Variants in GALNT13 observed in about 807,000 individuals in gnomAD.
The protein encoded by GALNT13 is UDP-GalNAc:polypeptide N-acetylgalactosaminyltransferase 13.
In GALNT13, 28 loss-of-function variants were observed where a neutral mutation model predicts 64.2. The ratio of observed to expected loss-of-function variants is 0.44; its 90% CI spans 0.32 to 0.60. The LOEUF (loss-of-function observed/expected upper bound fraction) is 0.60, where lower values mean the gene tolerates loss of function less well. Among genes scored for constraint, GALNT13 ranks in the 20% least tolerant of loss-of-function variants. GALNT13 has a pLI of 0.05. For synonymous variants in GALNT13, 214 were observed against 224.6 expected (o/e 0.95, Z 0.42); for missense variants, 577 against 669.8 (o/e 0.86, Z 1.53).
At chr2:153,244,384 C>A in the GALNT13 span, among the ~76,000 whole-genome samples, 13 of 152,318 alleles carry the variant, frequency 8.5e-5, no homozygotes, top group African/African-American at 3.1e-4. Flanking sequence ...ATAGAAACAG[C>A]TCTTGTCTGC....
chr2:153,589,187 C>G, the GALNT13 span, among the ~76,000 whole-genome samples: 1 of 152,114 alleles, frequency 6.6e-6, no homozygotes, highest in South Asian at 2.1e-4. Context: ...ACTAAATCAC[C>G]TCTCTCAAGT....
intron 9 of GALNT13, among the ~76,000 whole-genome samples, chr2:154,358,575 A>G (rs1442780429): frequency 3.3e-5 from 5 of 152,102 alleles, no homozygotes; most frequent in Admixed American, 1.3e-4. Flanking sequence ...GGTTTATACA[A>G]TACTACAAAG....
the GALNT13 span, among the ~76,000 whole-genome samples, chr2:153,354,978 T>C: frequency 1.1e-4 from 17 of 152,182 alleles, no homozygotes; most frequent in African/African-American, 4.1e-4. Flanking sequence ...GCCAGTTATT[T>C]TCTGAACTGA....
At chr2:153,755,490 C>T in the GALNT13 span, among the ~76,000 whole-genome samples, 1 of 152,038 alleles carries the variant, frequency 6.6e-6, no homozygotes, top group Non-Finnish European at 1.5e-5. Context: ...GGGCATTTCT[C>T]TAATGATTAG....
At chr2:154,389,749 A>G (rs707047) in intron 9 of GALNT13, among the ~76,000 whole-genome samples, 54,922 of 152,062 alleles carry the variant, frequency 0.36, 10,725 homozygotes, top group African/African-American at 0.51. Flanking sequence ...CCAGGGAGAC[A>G]AGAGAGCAGT....
Position 153,944,422 on chromosome 2 carries a change from T to C in GALNT13, c.-76T>C, listed in dbSNP as rs189682987. The C allele has an allele frequency of 2.0e-4, 276 of 1,348,556 alleles. No individual in the cohort carries two copies. The highest frequency in any genetic ancestry group is 2.4e-4 in the Non-Finnish European group (235 of 966,124). 83.5% of individuals were successfully genotyped at this position (1,348,556 alleles called of 1,614,324 possible). On this transcript the variant is annotated 5_prime_UTR_variant, in exon 3 of 13. Transcript: ENST00000392825. ...AATGTATCCTGCTTTCATCTTGGAG[T>C]TCACCTGTGTGGCTTGGATTTATCA...
At position 153,968,463 on chromosome 2, in the gene GALNT13, T is replaced by C. The variant is rs995336869; in HGVS notation, c.142+23824T>C. Among the ~76,000 whole-genome samples, 4 of 152,304 alleles carry C rather than the reference T, an allele frequency of 2.6e-5. No individual in the cohort carries two copies. In the East Asian group the frequency reaches 5.8e-4, roughly 22 times the overall value. On this transcript the variant is annotated intron_variant, in intron 3 of 12. Coordinates refer to ENST00000392825, the MANE Select transcript of GALNT13 (RefSeq NM_052917.4). Reference sequence around the variant, plus strand: ...GCCTCTTGGGGTTAGAGTACGGGTGTTGTAGGCAATGCAAAACTCTTCTTC... The same window carrying C: ...GCCTCTTGGGGTTAGAGTACGGGTGCTGTAGGCAATGCAAAACTCTTCTTC...
chr2:154,418,685 TC>T (rs1352089223), intron 11 of GALNT13, among the ~76,000 whole-genome samples: 1 of 152,200 alleles, frequency 6.6e-6, no homozygotes, highest in Non-Finnish European at 1.5e-5. Context: ...TGTTTAAGCT[TC>T]CAAGTTTGTG....
At chr2:153,262,739 T>C in the GALNT13 span, among the ~76,000 whole-genome samples, 1 of 152,110 alleles carries the variant, frequency 6.6e-6, no homozygotes, top group East Asian at 1.9e-4. Context: ...AGGCCAGAGA[T>C]AAAGTTCAAC....
intron 3 of GALNT13, among the ~76,000 whole-genome samples, chr2:154,033,351 A>G (rs1698460463): frequency 6.6e-6 from 1 of 152,044 alleles, no homozygotes; most frequent in South Asian, 2.1e-4. Context: ...TGCTCTTGAG[A>G]AGACATTATT....
At chr2:153,758,026 G>C in the GALNT13 span, among the ~76,000 whole-genome samples, 2 of 152,034 alleles carry the variant, frequency 1.3e-5, no homozygotes, top group Admixed American at 1.3e-4. Flanking sequence ...TGTTCCCTGA[G>C]CTATCATGGT....
chr2:154,255,276 C>G (rs996757846), intron 7 of GALNT13, among the ~76,000 whole-genome samples: 3 of 151,988 alleles, frequency 2.0e-5, no homozygotes, highest in Non-Finnish European at 4.4e-5. Flanking sequence ...ATTGTAGAGG[C>G]GGGAGCAGGA....
At chr2:154,026,343 G>T (rs1474659676) in intron 3 of GALNT13, among the ~76,000 whole-genome samples, 1 of 152,156 alleles carries the variant, frequency 6.6e-6, no homozygotes, top group Non-Finnish European at 1.5e-5. Flanking sequence ...ATTTTATGAG[G>T]TGTAGAATAT....
the GALNT13 span, among the ~76,000 whole-genome samples, chr2:153,161,267 G>A: frequency 6.6e-6 from 1 of 152,158 alleles, no homozygotes; most frequent in Non-Finnish European, 1.5e-5. Flanking sequence ...TACAGTGTCA[G>A]TGTCTTCATT....
At chr2:154,150,395 T>C (rs1391103197) in intron 4 of GALNT13, among the ~76,000 whole-genome samples, 2 of 152,282 alleles carry the variant, frequency 1.3e-5, no homozygotes, top group Non-Finnish European at 2.9e-5. Context: ...TTCTCTTTTT[T>C]GGTTGTGTCT....
the GALNT13 span, among the ~76,000 whole-genome samples, chr2:153,719,169 G>A: frequency 3.3e-5 from 5 of 152,160 alleles, no homozygotes; most frequent in Non-Finnish European, 7.3e-5. Context: ...ATAGTGGCTT[G>A]AAGAAGCTGA....
chr2:153,333,211 C>A, the GALNT13 span, among the ~76,000 whole-genome samples: 2 of 152,150 alleles, frequency 1.3e-5, no homozygotes, highest in Non-Finnish European at 2.9e-5. Flanking sequence ...ATATCTGAAG[C>A]TTTACCCAGT....
the GALNT13 span, among the ~76,000 whole-genome samples, chr2:153,537,790 A>G: frequency 6.6e-6 from 1 of 152,128 alleles, no homozygotes; most frequent in African/African-American, 2.4e-5. Context: ...CTGCCATGTG[A>G]AGAAGACATG....
intron 9 of GALNT13, among the ~76,000 whole-genome samples, chr2:154,306,618 T>TCGG (rs1553512828): frequency 7.9e-6 from 1 of 126,408 alleles, no homozygotes; most frequent in Non-Finnish European, 1.7e-5. Context: ...GATAATTTGG[T>TCGG]GGGGGGGGGG....
Sources: gnomAD v4.1 joint callset for allele counts (sites outside exome capture counted in the v4.1 genomes callset) on GRCh38, gnomAD v4.1.1 for gene constraint, MANE v1.5 for transcripts, NCBI Gene and HGNC (gene_info 2026-07-23, HGNC 2026-07-21) for gene names.